Variants in ZNF346 observed in about 807,000 individuals in gnomAD.
ZNF346 encodes the protein double-stranded RNA-binding zinc finger protein JAZ.
A neutral mutation model predicts 33.7 loss-of-function variants in ZNF346; 23 were observed. The observed-to-expected ratio is 0.68, with a 90% confidence interval of 0.49 to 0.97. The LOEUF is 0.97. Ranked by LOEUF, ZNF346 falls within the 50% of genes least tolerant of loss-of-function variation. The pLI is 0.00. For synonymous variants in ZNF346, 134 were observed against 142.4 expected (o/e 0.94, Z 0.42); for missense variants, 340 against 371.1 (o/e 0.92, Z 0.69).
intron 5 of ZNF346, among the ~76,000 whole-genome samples, chr5:177,060,648 C>T (rs1020376171): frequency 3.3e-5 from 5 of 151,894 alleles, no homozygotes; most frequent in Non-Finnish European, 5.9e-5. Flanking sequence ...CCTGTCTGTA[C>T]TAAAAATAGA....
chr5:177,061,983 G>C (rs1782605554), intron 5 of ZNF346, 75 bp from the exon 6 acceptor site: 6 of 1,336,830 alleles, frequency 4.5e-6, no homozygotes, highest in Non-Finnish European at 6.4e-6. Flanking sequence ...AAGGGCATTT[G>C]TACACTCTGA....
chr5:177,038,679 C>T (rs1668077902), intron 1 of ZNF346, among the ~76,000 whole-genome samples: 2 of 151,734 alleles, frequency 1.3e-5, no homozygotes, highest in African/African-American at 4.8e-5. Flanking sequence ...CAGGTGCTTA[C>T]CTGCCCTTGC....
At chr5:177,028,641 C>A (rs1047590087) in intron 1 of ZNF346, among the ~76,000 whole-genome samples, 3 of 147,674 alleles carry the variant, frequency 2.0e-5, no homozygotes, top group Non-Finnish European at 4.5e-5. Flanking sequence ...CCTGAAACAC[C>A]TCTGGAACTG....
At chr5:177,078,845 G>C (rs964123795) in intron 8 of ZNF346, among the ~76,000 whole-genome samples, 12 of 151,934 alleles carry the variant, frequency 7.9e-5, no homozygotes, top group African/African-American at 2.7e-4. Flanking sequence ...CAGGAGACAG[G>C]TTGCAGTGAG....
intron 4 of ZNF346, among the ~76,000 whole-genome samples, chr5:177,046,900 A>G (rs1780113902): frequency 6.6e-6 from 1 of 150,774 alleles, no homozygotes; most frequent in East Asian, 1.9e-4. Flanking sequence ...AAAGATACAA[A>G]GAAGAAAGTA....
chr5:177,035,908 G>T (rs1778436104), intron 1 of ZNF346, among the ~76,000 whole-genome samples: 1 of 151,688 alleles, frequency 6.6e-6, no homozygotes, highest in East Asian at 1.9e-4. Context: ...CAAAGTGCTG[G>T]TATTACAGGC....
intron 8 of ZNF346, among the ~76,000 whole-genome samples, chr5:177,075,056 ACTCC>A (rs1203262143): frequency 1.3e-5 from 2 of 150,118 alleles, no homozygotes; most frequent in Non-Finnish European, 3.0e-5. Flanking sequence ...ACAGAGCAAG[ACTCC>A]CTCCGTCTCA....
rs1379622856 is a variant in ZNF346 at position 177,077,344 on chromosome 5, A to G, written c.*3-2038A>G. Among the ~76,000 whole-genome samples, 7 of 152,192 alleles carry G rather than the reference A, an allele frequency of 4.6e-5. No homozygotes were observed. The highest frequency in any genetic ancestry group is 1.7e-4 in the African/African-American group (7 of 41,462). ...GTGTTCTACTGAGAAGGAGCCTTTT[A>G]TTTATAAAGGGTTTAAGAAAAAGGA... On this transcript the variant is annotated intron_variant, in intron 8 of 8. Transcript: ENST00000503039. The surrounding 1 kb of genome is among the most constrained non-coding windows in gnomAD (Gnocchi z 5.0).
chr5:177,078,449 G>A (rs1025562622), intron 8 of ZNF346, among the ~76,000 whole-genome samples: 6 of 152,226 alleles, frequency 3.9e-5, no homozygotes, highest in Non-Finnish European at 8.8e-5. Flanking sequence ...GTCAGGCTGA[G>A]GAGCTGGGGG....
downstream of ZNF346, among the ~76,000 whole-genome samples, chr5:177,072,901 ACTTTT>A (rs1013447457): frequency 3.3e-5 from 5 of 152,284 alleles, no homozygotes; most frequent in African/African-American, 1.2e-4. Context: ...TTTAGTTATG[ACTTTT>A]CTTTAAGTCA....
In ZNF346 at chr5:177,022,753, G is replaced by T; in HGVS notation, c.15G>T (p.Ala5=). The T allele has an allele frequency of 1.3e-6, 2 of 1,554,600 alleles. No homozygotes were observed. Among genetic ancestry groups the T allele is most frequent in the Non-Finnish European group, 1.7e-6 (2 of 1,154,034 alleles). The change falls in exon 1 of 7, where the codon GCG becomes GCT. Residue 5 remains alanine (A), a synonymous_variant. Transcript: ENST00000358149. MEYP[A]PATVQAADGG... is the part of the protein sequence containing the mutation. ...TTGCGGGGAAGATGGAGTATCCCGC[G>T]CCGGCCACGGTGCAGGCCGCGGACG...
chr5:177,024,265 A>G (rs1426968149), intron 1 of ZNF346, among the ~76,000 whole-genome samples: 1 of 138,780 alleles, frequency 7.2e-6, no homozygotes, highest in Non-Finnish European at 1.5e-5. Context: ...CAGTGGCACA[A>G]TCACACTGCA....
intron 4 of ZNF346, among the ~76,000 whole-genome samples, chr5:177,046,171 C>T (rs1031371923): frequency 2.0e-5 from 3 of 151,770 alleles, no homozygotes; most frequent in African/African-American, 7.3e-5. Flanking sequence ...TGTGGTGGCA[C>T]GAGCCTGTAG....
intron 5 of ZNF346, among the ~76,000 whole-genome samples, chr5:177,058,746 C>T (rs377237708): frequency 6.6e-6 from 1 of 152,198 alleles, no homozygotes; most frequent in Non-Finnish European, 1.5e-5. Context: ...GCCTCCAGCT[C>T]TCAGCATACT....
At position 177,027,754 on chromosome 5, in the gene ZNF346, C is replaced by A. The variant is rs187313223; in HGVS notation, c.175+4841C>A. ...GCACAATCATAGCTCACTGCAGCCTCAGACTCCTTCAAACTCAAAGCTAGG... is the reference window on the plus strand; with the variant it reads ...GCACAATCATAGCTCACTGCAGCCTAAGACTCCTTCAAACTCAAAGCTAGG... On this transcript the variant is annotated intron_variant, in intron 1 of 6. Coordinates refer to ENST00000358149, the MANE Select transcript of ZNF346 (RefSeq NM_012279.4). Among the ~76,000 whole-genome samples the A allele has an allele frequency of 6.3e-3, 953 of 151,418 alleles. 6 individuals carry two copies. Among genetic ancestry groups the A allele is most frequent in the Admixed American group, 7.8e-3 (119 of 15,178 alleles).
intron 4 of ZNF346, among the ~76,000 whole-genome samples, chr5:177,049,546 T>C (rs1780575730): frequency 6.6e-6 from 1 of 152,226 alleles, no homozygotes; most frequent in Admixed American, 6.5e-5. Flanking sequence ...TGTATGCCTA[T>C]ACCAGGCTCT....
At chr5:177,035,712 T>C (rs1778404172) in intron 1 of ZNF346, among the ~76,000 whole-genome samples, 3 of 149,256 alleles carry the variant, frequency 2.0e-5, no homozygotes, top group Non-Finnish European at 4.4e-5. Context: ...CTCGGCTCAC[T>C]GCAACCTCCG....
chr5:177,031,508 C>T (rs1321506348), intron 1 of ZNF346, among the ~76,000 whole-genome samples: 1 of 152,142 alleles, frequency 6.6e-6, no homozygotes, highest in African/African-American at 2.4e-5. Flanking sequence ...TCATTTTTCT[C>T]TCTCTCTCAC....
Position 177,038,876 on chromosome 5 carries a change from T to TTGTGTGTGTGTG in ZNF346, c.176-2222_176-2211dup, listed in dbSNP as rs56812954. ...TTTTTCTTCTTTTTTCTTCTTCTTCTTGTGTGTGTGTGTGTGTGTGTGTGT... is the reference window on the plus strand; with the variant it reads ...TTTTTCTTCTTTTTTCTTCTTCTTCTTGTGTGTGTGTGTGTGTGTGTGTGTGTGTGTGTGTGT... On this transcript the variant is annotated intron_variant, in intron 1 of 6. Transcript: ENST00000358149. 5.3e-3 allele frequency among the ~76,000 whole-genome samples: 716 copies of TTGTGTGTGTGTG among 135,426 alleles called. 8 individuals carry two copies. The highest frequency in any genetic ancestry group is 0.015 in the African/African-American group (538 of 35,572). 88.8% of individuals were successfully genotyped at this position (135,426 alleles called of 152,430 possible).
Sources: allele counts gnomAD v4.1 joint callset (sites outside exome capture counted in the v4.1 genomes callset), GRCh38; gene constraint gnomAD v4.1.1; non-coding constraint Gnocchi (gnomAD v3.1); transcripts MANE v1.5; gene names NCBI Gene and HGNC (gene_info 2026-07-23, HGNC 2026-07-21).